Variants in PPARG observed in about 807,000 individuals in gnomAD.
PPARG encodes peroxisome proliferator activated receptor gamma, also known as peroxisome proliferator-activated receptor gamma.
Under a neutral mutation model 39.2 loss-of-function variants are expected in PPARG, and 17 were observed. The ratio of observed to expected loss-of-function variants is 0.43; its 90% CI spans 0.30 to 0.65. PPARG has a LOEUF of 0.65. Among genes scored for constraint, PPARG ranks in the 30% least tolerant of loss-of-function variants. The probability of loss-of-function intolerance (pLI) is 0.13; values close to 1 mark genes in which losing one functional copy is unlikely to be tolerated. For synonymous variants in PPARG, 223 were observed against 215.7 expected (o/e 1.03, Z -0.30); for missense variants, 406 against 585.9 (o/e 0.69, Z 3.17).
intron 1 of PPARG, among the ~76,000 whole-genome samples, chr3:12,308,368 AAAG>A (rs34915207): frequency 0.076 from 10,343 of 135,648 alleles, 697 homozygotes; most frequent in Admixed American, 0.1. Flanking sequence ...AAAAAAAAAA[AAAG>A]GGAGAAACTG....
chr3:12,379,899 A>T lies in PPARG; in HGVS notation c.188A>T (p.Tyr63Phe), dbSNP rs1183297709. 4 of 1,612,350 alleles carry T rather than the reference A, an allele frequency of 2.5e-6. No individual in the cohort carries two copies. Among genetic ancestry groups the T allele is most frequent in the East Asian group, 2.2e-5 (1 of 44,858 alleles). The change falls in exon 3 of 8, where the codon TAC (tyrosine) becomes TTC (phenylalanine). Residue 63 changes from tyrosine (Y) to phenylalanine (F), a missense_variant. Tyr to Phe is a conservative substitution (Grantham distance 22, BLOSUM62 3). Around this residue, in one of 2 missense-constraint regions of PPARG, gnomAD observed 131 missense variants for 127.9 expected, o/e 1.02. Transcript: ENST00000651735. ...AGAACAGATCCAGTGGTTGCAGATTACAAGTATGACCTGAAACTTCAAGAG... is the reference window on the plus strand; with the variant it reads ...AGAACAGATCCAGTGGTTGCAGATTTCAAGTATGACCTGAAACTTCAAGAG... ...FTRTDPVVAD[Y>F]KYDLKLQEYQ...
chr3:12,331,501 A>G (rs1250911184), intron 2 of PPARG, among the ~76,000 whole-genome samples: 1 of 152,208 alleles, frequency 6.6e-6, no homozygotes, highest in African/African-American at 2.4e-5. Flanking sequence ...GGTTTAAGAC[A>G]ATCAAAAGTC....
At chr3:12,431,703 G>C (rs1199495587) in intron 7 of PPARG, among the ~76,000 whole-genome samples, 1 of 152,180 alleles carries the variant, frequency 6.6e-6, no homozygotes, top group East Asian at 1.9e-4. Flanking sequence ...ACTTTGGGAG[G>C]CTGAGGCAGG....
At chr3:12,349,690 A>T (rs935814105) in intron 2 of PPARG, among the ~76,000 whole-genome samples, 11 of 152,238 alleles carry the variant, frequency 7.2e-5, no homozygotes, top group Admixed American at 5.2e-4. Context: ...ATGAAATGTA[A>T]TGAGTAAGAC....
intron 7 of PPARG, among the ~76,000 whole-genome samples, chr3:12,424,514 TC>T (rs1176592622): frequency 6.6e-6 from 1 of 152,164 alleles, no homozygotes; most frequent in Non-Finnish European, 1.5e-5. Flanking sequence ...GAGCACTTTA[TC>T]ATTTTGGGCT....
At chr3:12,353,933 A>G (rs923684955) in intron 2 of PPARG, among the ~76,000 whole-genome samples, 1 of 152,186 alleles carries the variant, frequency 6.6e-6, no homozygotes, top group South Asian at 2.1e-4. Flanking sequence ...TGAATTCTAC[A>G]ATTTTAAGTC....
chr3:12,422,198 T>C (rs2051286491), intron 7 of PPARG, among the ~76,000 whole-genome samples: 1 of 152,234 alleles, frequency 6.6e-6, no homozygotes, highest in Non-Finnish European at 1.5e-5. Flanking sequence ...CCGAAATGAT[T>C]ATAATACTGC....
intron 2 of PPARG, among the ~76,000 whole-genome samples, chr3:12,336,003 G>A (rs2048002879): frequency 6.6e-6 from 1 of 152,144 alleles, no homozygotes; most frequent in Admixed American, 6.5e-5. Context: ...TTGTCCTAGT[G>A]TGATTTTTTG....
intron 2 of PPARG, among the ~76,000 whole-genome samples, chr3:12,328,605 C>T (rs571619134): frequency 1.3e-5 from 2 of 152,208 alleles, no homozygotes; most frequent in Non-Finnish European, 2.9e-5. Flanking sequence ...CAATAAAAAG[C>T]ATCTGTCCCA....
intron 2 of PPARG, among the ~76,000 whole-genome samples, chr3:12,328,994 C>G (rs1052004143): frequency 1.3e-5 from 2 of 152,186 alleles, no homozygotes; most frequent in Non-Finnish European, 2.9e-5. Flanking sequence ...ATCCTGAGGC[C>G]TCCTAGAGGC....
At chr3:12,343,091 C>G (rs1001247080) in intron 2 of PPARG, among the ~76,000 whole-genome samples, 1 of 152,168 alleles carries the variant, frequency 6.6e-6, no homozygotes, top group Non-Finnish European at 1.5e-5. Flanking sequence ...CAGCCTGAAA[C>G]AGTAGGTCTA....
chr3:12,432,181 C>A (rs1416000053), intron 7 of PPARG, among the ~76,000 whole-genome samples: 1 of 152,204 alleles, frequency 6.6e-6, no homozygotes, highest in Non-Finnish European at 1.5e-5. Context: ...TGCGTTGACA[C>A]AGAAGGCAAA....
intron 1 of PPARG, among the ~76,000 whole-genome samples, chr3:12,293,044 T>G (rs2046688023): frequency 6.6e-6 from 1 of 152,246 alleles, no homozygotes; most frequent in Non-Finnish European, 1.5e-5. Context: ...TTCCACTGCC[T>G]TAATCCTACA....
In PPARG at chr3:12,379,837, C is replaced by T. The variant is rs573670123; in HGVS notation, c.126C>T (p.Ser42=). The T allele has an allele frequency of 2.5e-6, 4 of 1,613,936 alleles. No individual in the cohort carries two copies. The highest frequency in any genetic ancestry group is 1.3e-5 in the African/African-American group (1 of 75,040). ...CCTTCACTACTGTTGACTTCTCCAGCATTTCTACTCCACATTACGAAGACA... is the reference window on the plus strand; with the variant it reads ...CCTTCACTACTGTTGACTTCTCCAGTATTTCTACTCCACATTACGAAGACA... ...IKPFTTVDFS[S]ISTPHYEDIP... Residue 42 remains serine, a synonymous_variant, in exon 3 of 8, where the codon AGC becomes AGT. Coordinates refer to ENST00000651735, the MANE Select transcript of PPARG (RefSeq NM_138711.6).
At chr3:12,332,357 C>G (rs1041459014) in intron 2 of PPARG, among the ~76,000 whole-genome samples, 6 of 152,088 alleles carry the variant, frequency 3.9e-5, no homozygotes, top group Admixed American at 3.3e-4. Context: ...TTTTGAGTAG[C>G]AAATAACATT....
chr3:12,382,050 C>T (rs1423260234), intron 4 of PPARG, among the ~76,000 whole-genome samples: 1 of 151,900 alleles, frequency 6.6e-6, no homozygotes, highest in Non-Finnish European at 1.5e-5. Flanking sequence ...TCTTTATGGC[C>T]ACATTGCAGA....
intron 2 of PPARG, among the ~76,000 whole-genome samples, chr3:12,332,015 A>G (rs898644677): frequency 2.6e-5 from 4 of 152,252 alleles, no homozygotes; most frequent in African/African-American, 9.6e-5. Flanking sequence ...ATATATCCAT[A>G]GTGCTTGAAA....
chr3:12,320,612 C>T (rs1284635970), intron 2 of PPARG, among the ~76,000 whole-genome samples: 2 of 152,192 alleles, frequency 1.3e-5, no homozygotes, highest in Non-Finnish European at 2.9e-5. Context: ...GGGTGGGTTA[C>T]ACCTGTAATC....
intron 6 of PPARG, among the ~76,000 whole-genome samples, chr3:12,410,157 G>A (rs1327152565): frequency 6.6e-6 from 1 of 152,194 alleles, no homozygotes; most frequent in Non-Finnish European, 1.5e-5. Flanking sequence ...GCCCTCAATA[G>A]GATGGAACTG....
Sources: gnomAD v4.1 joint callset for allele counts (sites outside exome capture counted in the v4.1 genomes callset) on GRCh38, gnomAD v4.1.1 for gene constraint, gnomAD v4.1.1 regional missense constraint, MANE v1.5 for transcripts, NCBI Gene and HGNC (gene_info 2026-07-23, HGNC 2026-07-21) for gene names.